Variants in ZNF365 observed in about 807,000 individuals in gnomAD.
ZNF365 encodes protein ZNF365.
ZNF365 carries 22 observed loss-of-function variants against 35.0 expected under a neutral mutation model. That is an observed-to-expected ratio of 0.63 (90% confidence interval 0.45 to 0.90). The LOEUF (loss-of-function observed/expected upper bound fraction) is 0.90, where lower values mean the gene tolerates loss of function less well. ZNF365 is among the 40% of genes least tolerant of loss of function. The probability of loss-of-function intolerance (pLI) is 0.00; values close to 1 mark genes in which losing one functional copy is unlikely to be tolerated. For synonymous variants in ZNF365, 188 were observed against 196.2 expected (o/e 0.96, Z 0.35); for missense variants, 448 against 500.3 (o/e 0.90, Z 1.00).
chr10:62,473,937 G>A (rs1004500633), intron 4 of ZNF365, among the ~76,000 whole-genome samples: 2 of 152,252 alleles, frequency 1.3e-5, no homozygotes, highest in East Asian at 1.9e-4. Flanking sequence ...TTTGAGGGAT[G>A]GGCACCCCAG....
downstream of ZNF365, among the ~76,000 whole-genome samples, chr10:62,406,746 C>T (rs74156199): frequency 0.05 from 7,659 of 152,186 alleles, 423 homozygotes; most frequent in African/African-American, 0.14. Flanking sequence ...GACAAGTGAA[C>T]CCTGGGAAGT....
rs1285014267 is a variant in ZNF365, at chr10:62,388,464, T to C, written c.812T>C (p.Leu271Pro). 1 of 1,614,118 alleles carries C rather than the reference T, an allele frequency of 6.2e-7. No individual in the cohort carries two copies. Among genetic ancestry groups the C allele is most frequent in the Non-Finnish European group, 8.5e-7 (1 of 1,180,058 alleles). The change falls in exon 3 of 5, where the codon CTC (leucine) becomes CCC (proline). Residue 271 changes from leucine (L) to proline (P), a missense_variant. Coordinates refer to ENST00000395254, the MANE Select transcript of ZNF365 (RefSeq NM_014951.3). ...AEKEVQGKAR[L>P]QDFIENLLQR... ...AAGGAGGTTCAAGGGAAAGCCCGGC[T>C]CCAGGACTTTATTGAGAATCTGTTA...
chr10:62,409,478 G>A (rs1323240610), intron 3 of ZNF365, among the ~76,000 whole-genome samples: 1 of 152,132 alleles, frequency 6.6e-6, no homozygotes, highest in Non-Finnish European at 1.5e-5. Context: ...ATAGACCACA[G>A]CTGCTTCAAG....
intron 3 of ZNF365, among the ~76,000 whole-genome samples, chr10:62,459,074 T>C (rs140952432): frequency 3.3e-5 from 5 of 152,376 alleles, no homozygotes; most frequent in Non-Finnish European, 5.9e-5. Flanking sequence ...GTTAGTACTA[T>C]GTATACATTT....
intron 3 of ZNF365, among the ~76,000 whole-genome samples, chr10:62,445,928 C>G (rs1840580385): frequency 6.6e-6 from 1 of 152,150 alleles, no homozygotes; most frequent in Non-Finnish European, 1.5e-5. Context: ...GTCTTAGGCA[C>G]CATGAACCCA....
chr10:62,452,712 C>T (rs1456029170), intron 3 of ZNF365, among the ~76,000 whole-genome samples: 1 of 152,248 alleles, frequency 6.6e-6, no homozygotes, highest in Non-Finnish European at 1.5e-5. Flanking sequence ...CTCTTTAGAT[C>T]AATACACCCC....
intron 4 of ZNF365, among the ~76,000 whole-genome samples, chr10:62,466,871 G>A (rs974419236): frequency 1.3e-5 from 2 of 151,958 alleles, no homozygotes; most frequent in Admixed American, 6.6e-5. Flanking sequence ...GTATGATCAC[G>A]GCTCACTATA....
intron 4 of ZNF365, among the ~76,000 whole-genome samples, chr10:62,464,545 T>A (rs1840901248): frequency 6.6e-6 from 1 of 152,200 alleles, no homozygotes; most frequent in Admixed American, 6.5e-5. Flanking sequence ...TCTGTTGAGG[T>A]TGGTGTAAGG....
Position 62,402,428 on chromosome 10 carries a change from A to G in ZNF365, c.*2639A>G, listed in dbSNP as rs1165553467. 11 of 984,956 alleles carry G rather than the reference A, an allele frequency of 1.1e-5. No homozygotes were observed. The highest frequency in any genetic ancestry group is 1.3e-5 in the Non-Finnish European group (11 of 829,518). The allele number at this position is 984,956 out of a possible 1,614,324, so 61.0% of individuals were successfully genotyped here. On this transcript the variant is annotated 3_prime_UTR_variant, in exon 5 of 5. Transcript: ENST00000395254. ...TTTTTAGATTATGAAATATTATGAT[A>G]ATAAAGCTATATTTCTGACTAATGT...
chr10:62,458,438 T>A (rs1277813429), intron 3 of ZNF365, among the ~76,000 whole-genome samples: 1 of 151,746 alleles, frequency 6.6e-6, no homozygotes, highest in Non-Finnish European at 1.5e-5. Flanking sequence ...GGAGTGTAGA[T>A]AAATGCAAGC....
At chr10:62,378,480 T>C (rs1193720619) in intron 2 of ZNF365, among the ~76,000 whole-genome samples, 6 of 152,150 alleles carry the variant, frequency 3.9e-5, no homozygotes, top group Non-Finnish European at 7.4e-5. Flanking sequence ...TAAATAAAAG[T>C]GGGCTATGCA....
At chr10:62,449,424 G>A (rs1840643114) in intron 3 of ZNF365, among the ~76,000 whole-genome samples, 1 of 152,058 alleles carries the variant, frequency 6.6e-6, no homozygotes. Flanking sequence ...CTTATATTAA[G>A]CTATGCGCTT....
chr10:62,392,306 CTT>C (rs527314791), intron 3 of ZNF365, among the ~76,000 whole-genome samples: 3 of 152,178 alleles, frequency 2.0e-5, no homozygotes, highest in Non-Finnish European at 4.4e-5. Flanking sequence ...GTCATGAAGT[CTT>C]TGCCTAAGCC....
chr10:62,380,627 G>C (rs1289827595), intron 2 of ZNF365, among the ~76,000 whole-genome samples: 1 of 152,218 alleles, frequency 6.6e-6, no homozygotes, highest in Non-Finnish European at 1.5e-5. Flanking sequence ...TAAACCCGTA[G>C]AAGGTATCTG....
chr10:62,479,933 G>A, exon 5 of ZNF365: 7 of 1,611,878 alleles, frequency 4.3e-6, no homozygotes, highest in Non-Finnish European at 5.9e-6. Context: ...TGAGGACTTG[G>A]ATCAAGAGAA....
At chr10:62,426,584 T>C (rs1029967877) in intron 3 of ZNF365, among the ~76,000 whole-genome samples, 1 of 151,982 alleles carries the variant, frequency 6.6e-6, no homozygotes, top group African/African-American at 2.4e-5. Flanking sequence ...TCAAAGTCAT[T>C]TGAGGAACAC....
intron 3 of ZNF365, among the ~76,000 whole-genome samples, chr10:62,390,483 T>G (rs149591029): frequency 7.9e-5 from 12 of 152,366 alleles, no homozygotes; most frequent in Admixed American, 3.9e-4. Context: ...TTAGTTTATT[T>G]TTTTGGCTTG....
Position 62,459,896 on chromosome 10 carries a change from A to C in ZNF365, c.981+99A>C, listed in dbSNP as rs903501835. Reference sequence around the variant, plus strand: ...GAGACTGGAAGGGGCGCAGCAGGCCATTGGTTTCTGTATGAAAACACACAT... The same window carrying C: ...GAGACTGGAAGGGGCGCAGCAGGCCCTTGGTTTCTGTATGAAAACACACAT... On this transcript the variant is annotated intron_variant, in intron 4 of 4. Transcript: ENST00000395255. The C allele has an allele frequency of 3.8e-5, 40 of 1,050,840 alleles. No individual in the cohort carries two copies. In the Admixed American group the frequency reaches 5.6e-4, roughly 15 times the overall value. 65.1% of individuals were successfully genotyped at this position (1,050,840 alleles called of 1,614,324 possible).
At chr10:62,396,618 C>A (rs1303426292) in intron 3 of ZNF365, among the ~76,000 whole-genome samples, 1 of 152,188 alleles carries the variant, frequency 6.6e-6, no homozygotes. Flanking sequence ...GAGGTCCCAG[C>A]AGGGCCCATT....
Sources: allele counts gnomAD v4.1 joint callset (sites outside exome capture counted in the v4.1 genomes callset), GRCh38; gene constraint gnomAD v4.1.1; transcripts MANE v1.5; gene names NCBI Gene and HGNC (gene_info 2026-07-23, HGNC 2026-07-21).